Variants in CECR2 observed in about 807,000 individuals in gnomAD.
CECR2 encodes chromatin remodeling regulator CECR2.
In CECR2, 30 loss-of-function variants were observed where a neutral mutation model predicts 154.5. The observed-to-expected ratio is 0.19, with a 90% CI of 0.15 to 0.26. The LOEUF is 0.26. CECR2 is among the 10% of genes least tolerant of loss of function. The pLI is 1.00. For synonymous variants in CECR2, 725 were observed against 683.7 expected (o/e 1.06, Z -0.94); for missense variants, 1,743 against 1,829.3 (o/e 0.95, Z 0.86).
chr22:17,404,662 C>T (rs1005238333), intron 1 of CECR2, among the ~76,000 whole-genome samples: 5 of 131,128 alleles, frequency 3.8e-5, no homozygotes, highest in Admixed American at 2.9e-4. Flanking sequence ...CGTGAACCAC[C>T]GCGCCTGGCC....
intron 1 of CECR2, among the ~76,000 whole-genome samples, chr22:17,474,464 C>T (rs1037544977): frequency 3.3e-5 from 5 of 152,256 alleles, no homozygotes; most frequent in East Asian, 1.9e-4. Context: ...TAAGCCTATT[C>T]GATTCTCCTT....
At chr22:17,501,404 A>G (rs1393887026) in intron 5 of CECR2, among the ~76,000 whole-genome samples, 1 of 152,118 alleles carries the variant, frequency 6.6e-6, no homozygotes, top group East Asian at 1.9e-4. Flanking sequence ...TAAAAATACA[A>G]AAAATTAGCC....
intron 1 of CECR2, among the ~76,000 whole-genome samples, chr22:17,396,566 C>CAT (rs1392347805): frequency 6.6e-6 from 1 of 151,594 alleles, no homozygotes; most frequent in African/African-American, 2.4e-5. Context: ...ACAAACTGTG[C>CAT]ATCACTTTGT....
intron 14 of CECR2, 128 bp from the exon 15 acceptor site, chr22:17,541,711 G>A (rs961960533): frequency 1.5e-5 from 18 of 1,169,528 alleles, no homozygotes; most frequent in Non-Finnish European, 2.0e-5. Flanking sequence ...CAGTCTCCCT[G>A]TCTCCAGCCG....
intron 9 of CECR2, among the ~76,000 whole-genome samples, chr22:17,528,815 C>A (rs964048945): frequency 6.6e-6 from 1 of 152,178 alleles, no homozygotes; most frequent in African/African-American, 2.4e-5. Flanking sequence ...GGAATACAAG[C>A]GTGAGCACAC....
chr22:17,375,065 G>A (rs2063101643), intron 1 of CECR2, among the ~76,000 whole-genome samples: 1 of 152,068 alleles, frequency 6.6e-6, no homozygotes, highest in African/African-American at 2.4e-5. Context: ...AAAAACTTCT[G>A]AACTAAGTGC....
chr22:17,469,846 G>A (rs889187537), intron 1 of CECR2, among the ~76,000 whole-genome samples: 1 of 152,180 alleles, frequency 6.6e-6, no homozygotes, highest in African/African-American at 2.4e-5. Flanking sequence ...AGCTATTGCT[G>A]TCCTCATAGC....
rs766620277 is a variant in CECR2 at position 17,524,143 on chromosome 22, A to T, written c.980A>T (p.Glu327Val). The change falls in exon 9 of 19, where the codon GAA becomes GTA. Residue 327 changes from glutamate to valine, a missense_variant. Around this residue, in one of 4 missense-constraint regions of CECR2, gnomAD observed 292 missense variants for 301.2 expected, o/e 0.97. Coordinates refer to ENST00000262608, the MANE Select transcript of CECR2 (RefSeq NM_001290047.2). ...QEETPVLTRIEKQKRKEEEEE... is the reference protein window; with the variant it reads ...QEETPVLTRIVKQKRKEEEEE... ...GAGACTCCTGTGCTGACCAGAATAG[A>T]AAAACAAAAGCGCAAAGAGGAGGAA... The T allele has an allele frequency of 6.9e-6, 11 of 1,597,574 alleles. No individual in the cohort carries two copies. In the East Asian group the frequency reaches 2.3e-4, roughly 33 times the overall value.
chr22:17,424,200 A>G (rs1458135566), intron 1 of CECR2, among the ~76,000 whole-genome samples: 2 of 151,926 alleles, frequency 1.3e-5, no homozygotes, highest in Non-Finnish European at 2.9e-5. Context: ...AGCCTCCCCA[A>G]GTGCTGGGCT....
intron 1 of CECR2, among the ~76,000 whole-genome samples, chr22:17,463,667 T>TA (rs2054979408): frequency 6.6e-6 from 1 of 152,062 alleles, no homozygotes; most frequent in Admixed American, 6.6e-5. Flanking sequence ...TTGGTTCTGT[T>TA]AAGTTTGCGC....
At chr22:17,517,246 A>G (rs5746424) in intron 8 of CECR2, among the ~76,000 whole-genome samples, 1 of 152,016 alleles carries the variant, frequency 6.6e-6, no homozygotes, top group Non-Finnish European at 1.5e-5. Flanking sequence ...TTCTGGCTCT[A>G]TCTCTCTTGC....
intron 1 of CECR2, among the ~76,000 whole-genome samples, chr22:17,448,311 TA>T (rs1197525582): frequency 2.0e-5 from 3 of 152,342 alleles, no homozygotes; most frequent in Non-Finnish European, 2.9e-5. Context: ...GATTAGTTGA[TA>T]TAAATAGTCT....
chr22:17,452,823 G>A (rs1361571445), intron 1 of CECR2, among the ~76,000 whole-genome samples: 6 of 152,220 alleles, frequency 3.9e-5, no homozygotes, highest in East Asian at 1.9e-4. Flanking sequence ...CTGAAGAAGG[G>A]TGAGATCACT....
intron 1 of CECR2, among the ~76,000 whole-genome samples, chr22:17,451,447 T>TC (rs1280235066): frequency 6.6e-6 from 1 of 152,142 alleles, no homozygotes; most frequent in Non-Finnish European, 1.5e-5. Context: ...AATGCATAGC[T>TC]CAAGGGGAAG....
chr22:17,550,021 C>T (rs1275309879), intron 17 of CECR2, among the ~76,000 whole-genome samples: 3 of 151,960 alleles, frequency 2.0e-5, no homozygotes, highest in East Asian at 1.9e-4. Flanking sequence ...TGATGTTGTA[C>T]ACTCTGTAGG....
chr22:17,417,282 A>G (rs1016375489), intron 1 of CECR2, among the ~76,000 whole-genome samples: 1 of 152,184 alleles, frequency 6.6e-6, no homozygotes, highest in Non-Finnish European at 1.5e-5. Flanking sequence ...TAGTGAAACT[A>G]ATATTAATCA....
chr22:17,474,952 A>G (rs987304632), intron 1 of CECR2, among the ~76,000 whole-genome samples: 1 of 152,060 alleles, frequency 6.6e-6, no homozygotes, highest in Admixed American at 6.6e-5. Flanking sequence ...TTAATTTGGT[A>G]CTTCCATGCT....
intron 1 of CECR2, among the ~76,000 whole-genome samples, chr22:17,412,222 T>C (rs537465925): frequency 6.6e-6 from 1 of 152,346 alleles, no homozygotes; most frequent in Non-Finnish European, 1.5e-5. Context: ...CTGTTTACTA[T>C]AACTAGAAAA....
At chr22:17,525,134 A>C in intron 9 of CECR2, among the ~76,000 whole-genome samples, 1 of 150,198 alleles carries the variant, frequency 6.7e-6, no homozygotes, top group South Asian at 2.1e-4. Flanking sequence ...AAATACAAAA[A>C]ATTAGCTGGG....
Sources: allele counts gnomAD v4.1 joint callset (sites outside exome capture counted in the v4.1 genomes callset), GRCh38; gene constraint gnomAD v4.1.1; regional missense constraint gnomAD v4.1.1; transcripts MANE v1.5; gene names NCBI Gene and HGNC (gene_info 2026-07-23, HGNC 2026-07-21).